Variants in DACH1 observed in about 807,000 individuals in gnomAD.
DACH1 encodes dachshund family transcription factor 1.
In DACH1, 12 loss-of-function variants were observed where a neutral mutation model predicts 54.2. The observed-to-expected ratio is 0.22, with a 90% CI of 0.14 to 0.36. The LOEUF is 0.36. Ranked by LOEUF, DACH1 falls within the 10% of genes least tolerant of loss-of-function variation. The probability of loss-of-function intolerance (pLI) is 1.00; values close to 1 mark genes in which losing one functional copy is unlikely to be tolerated. For missense variants in DACH1, 805 were observed against 929.8 expected, an observed-to-expected ratio of 0.87 and a Z score of 1.75; for synonymous variants, 386 against 366.2, an observed-to-expected ratio of 1.05 and a Z score of -0.62.
intron 3 of DACH1, among the ~76,000 whole-genome samples, chr13:71,614,289 G>A (rs1875582022): frequency 6.6e-6 from 1 of 152,208 alleles, no homozygotes; most frequent in Admixed American, 6.5e-5. Context: ...GAATTCACGG[G>A]TAGTTGACCT....
intron 1 of DACH1, among the ~76,000 whole-genome samples, chr13:71,798,534 C>A (rs910936437): frequency 1.3e-5 from 2 of 151,622 alleles, no homozygotes; most frequent in African/African-American, 4.8e-5. Context: ...AAACTGCATG[C>A]TTGTGTCGTA....
intron 2 of DACH1, chr13:71,675,092 A>T: frequency 6.4e-7 from 1 of 1,560,320 alleles, no homozygotes; most frequent in Non-Finnish European, 8.8e-7. Context: ...ACTGCCCGCA[A>T]ATCGACCGGT....
intron 1 of DACH1, among the ~76,000 whole-genome samples, chr13:71,755,202 G>T (rs1202254387): frequency 6.6e-6 from 1 of 151,994 alleles, no homozygotes; most frequent in African/African-American, 2.4e-5. Flanking sequence ...ATCAAGTATA[G>T]CAAAACAAGA....
At chr13:71,500,422 TG>T (rs1879813339) in intron 6 of DACH1, among the ~76,000 whole-genome samples, 1 of 152,166 alleles carries the variant, frequency 6.6e-6, no homozygotes, top group Admixed American at 6.5e-5. Flanking sequence ...GTCATTGCTA[TG>T]TGAATAAAAC....
chr13:71,718,444 T>C (rs1883081881), intron 1 of DACH1, among the ~76,000 whole-genome samples: 1 of 151,792 alleles, frequency 6.6e-6, no homozygotes, highest in Non-Finnish European at 1.5e-5. Context: ...CAAAATTAGC[T>C]GGGCATGGTG....
chr13:71,465,421 C>T (rs1876483686), intron 10 of DACH1, among the ~76,000 whole-genome samples: 1 of 152,030 alleles, frequency 6.6e-6, no homozygotes. Flanking sequence ...CTTAAAGAAG[C>T]CACTGTGTTT....
chr13:71,498,294 G>GT (rs1341950427), intron 6 of DACH1, among the ~76,000 whole-genome samples: 3 of 152,100 alleles, frequency 2.0e-5, no homozygotes. Context: ...CTAACATATA[G>GT]TAAGTACTTA....
intron 2 of DACH1, among the ~76,000 whole-genome samples, chr13:71,661,066 A>C (rs1418977718): frequency 6.6e-6 from 1 of 150,540 alleles, no homozygotes. Context: ...AAAAGCAAAA[A>C]GAAGTTTTCA....
chr13:71,658,693 AG>A (rs781283540), intron 2 of DACH1, among the ~76,000 whole-genome samples: 1 of 152,226 alleles, frequency 6.6e-6, no homozygotes, highest in Non-Finnish European at 1.5e-5. Context: ...ATTATTTAAA[AG>A]TCTAAAACCT....
intron 4 of DACH1, among the ~76,000 whole-genome samples, chr13:71,562,458 A>G (rs1884649497): frequency 6.6e-6 from 1 of 152,072 alleles, no homozygotes; most frequent in South Asian, 2.1e-4. Context: ...CCAGATATTA[A>G]AATTTGAAAC....
At chr13:71,773,059 T>C (rs1885924926) in intron 1 of DACH1, among the ~76,000 whole-genome samples, 1 of 151,792 alleles carries the variant, frequency 6.6e-6, no homozygotes, top group Admixed American at 6.6e-5. Context: ...GCAATGATTA[T>C]CCCTAATTCT....
At chr13:71,458,463 G>T (rs1218111953) in intron 10 of DACH1, among the ~76,000 whole-genome samples, 5 of 151,694 alleles carry the variant, frequency 3.3e-5, no homozygotes, top group African/African-American at 1.2e-4. Context: ...GGGTTAAAGT[G>T]GATACTTTAT....
At chr13:71,553,156 A>G (rs1346958191) in intron 6 of DACH1, among the ~76,000 whole-genome samples, 1 of 97,612 alleles carries the variant, frequency 1.0e-5, no homozygotes, top group Non-Finnish European at 2.0e-5. Flanking sequence ...ATATATGTAT[A>G]TTAGACATAT....
intron 4 of DACH1, among the ~76,000 whole-genome samples, chr13:71,571,471 T>C (rs1566349775): frequency 6.6e-6 from 1 of 152,134 alleles, no homozygotes; most frequent in Non-Finnish European, 1.5e-5. Flanking sequence ...ATATCCCTCT[T>C]AGAGAAGAGT....
intron 1 of DACH1, among the ~76,000 whole-genome samples, chr13:71,834,677 C>T (rs1480637183): frequency 1.3e-5 from 2 of 150,152 alleles, no homozygotes; most frequent in Admixed American, 1.3e-4. Context: ...GTGGACCCAC[C>T]TTAACATTTA....
chr13:71,724,184 A>T (rs1444059010), intron 1 of DACH1, among the ~76,000 whole-genome samples: 6 of 152,220 alleles, frequency 3.9e-5, no homozygotes, highest in African/African-American at 7.2e-5. Context: ...AAAGGAAACA[A>T]ATATGAAAAA....
At chr13:71,853,759 C>CATGCAA (rs968465416) in intron 1 of DACH1, among the ~76,000 whole-genome samples, 2 of 152,176 alleles carry the variant, frequency 1.3e-5, no homozygotes, top group Admixed American at 1.3e-4. Flanking sequence ...GAAATTACTG[C>CATGCAA]ATGCAAATAT....
intron 1 of DACH1, among the ~76,000 whole-genome samples, chr13:71,837,789 T>C (rs1208883101): frequency 6.1e-5 from 9 of 146,452 alleles, no homozygotes; most frequent in Admixed American, 6.1e-4. Context: ...ATTAAGAAAA[T>C]GTGGCACATA....
intron 2 of DACH1, among the ~76,000 whole-genome samples, chr13:71,672,438 A>G (rs548591562): frequency 6.6e-6 from 1 of 152,242 alleles, no homozygotes; most frequent in East Asian, 1.9e-4. Flanking sequence ...TTTACAAAGG[A>G]CAGAGTAAAG....
Sources: gnomAD v4.1 joint callset for allele counts (sites outside exome capture counted in the v4.1 genomes callset) on GRCh38, gnomAD v4.1.1 for gene constraint, MANE v1.5 for transcripts, NCBI Gene and HGNC (gene_info 2026-07-23, HGNC 2026-07-21) for gene names.